CADPS: variants seen among roughly 807,000 people sequenced by gnomAD.
The protein encoded by CADPS is calcium dependent secretion activator, also known as calcium-dependent secretion activator 1.
CADPS carries 57 observed loss-of-function variants against 167.3 expected under a neutral mutation model. The observed-to-expected ratio is 0.34, with a 90% CI of 0.28 to 0.42. The LOEUF is 0.42. CADPS is among the 20% of genes least tolerant of loss of function. The pLI is 1.00. For synonymous variants in CADPS, 676 were observed against 635.3 expected (o/e 1.06, Z -0.96); for missense variants, 1,414 against 1,738.1 (o/e 0.81, Z 3.32).
chr3:62,638,826 A>T (rs139652431), intron 6 of CADPS, among the ~76,000 whole-genome samples: 1 of 152,264 alleles, frequency 6.6e-6, no homozygotes, highest in African/African-American at 2.4e-5. Flanking sequence ...GGATGAAATA[A>T]TTATAGAATT....
At chr3:62,794,759 C>T (rs928892172) in intron 1 of CADPS, among the ~76,000 whole-genome samples, 1 of 95,380 alleles carries the variant, frequency 1.0e-5, no homozygotes, top group African/African-American at 4.4e-5. Flanking sequence ...TTCATGTTTA[C>T]AAGACAGACG....
chr3:62,561,558 C>G (rs1403873680), intron 9 of CADPS, among the ~76,000 whole-genome samples: 1 of 152,064 alleles, frequency 6.6e-6, no homozygotes, highest in Non-Finnish European at 1.5e-5. Flanking sequence ...GCATGAGCCA[C>G]CACACCTGGC....
intron 1 of CADPS, among the ~76,000 whole-genome samples, chr3:62,782,092 T>A (rs2091738805): frequency 6.6e-6 from 1 of 152,188 alleles, no homozygotes; most frequent in Non-Finnish European, 1.5e-5. Flanking sequence ...GACAGACGCA[T>A]CATTCTGGAA....
chr3:62,517,539 G>A (rs896239482), intron 14 of CADPS, among the ~76,000 whole-genome samples: 1 of 152,110 alleles, frequency 6.6e-6, no homozygotes, highest in African/African-American at 2.4e-5. Context: ...AATTACAAAT[G>A]CTATTATTAT....
At chr3:62,762,023 C>T (rs2085584309) in intron 2 of CADPS, among the ~76,000 whole-genome samples, 1 of 152,218 alleles carries the variant, frequency 6.6e-6, no homozygotes, top group Non-Finnish European at 1.5e-5. Flanking sequence ...CCCATCCCCA[C>T]TCATGGCCCA....
intron 3 of CADPS, among the ~76,000 whole-genome samples, chr3:62,672,322 T>A (rs917609002): frequency 2.6e-5 from 4 of 152,106 alleles, no homozygotes; most frequent in African/African-American, 9.7e-5. Context: ...CGCCATGAAG[T>A]ACGAATTTAA....
At chr3:62,842,808 A>G (rs1034921651) in intron 1 of CADPS, among the ~76,000 whole-genome samples, 16 of 152,194 alleles carry the variant, frequency 1.1e-4, no homozygotes, top group Admixed American at 1.0e-3. Flanking sequence ...GACATGCTGA[A>G]TGATGCTTCA....
At chr3:62,519,942 T>C (rs1342966531) in intron 13 of CADPS, among the ~76,000 whole-genome samples, 2 of 152,224 alleles carry the variant, frequency 1.3e-5, no homozygotes, top group Non-Finnish European at 2.9e-5. Context: ...TTTTTAAATT[T>C]CTTTAAACAA....
chr3:62,531,675 G>T (rs1171371702), intron 13 of CADPS, among the ~76,000 whole-genome samples: 1 of 152,134 alleles, frequency 6.6e-6, no homozygotes, highest in Non-Finnish European at 1.5e-5. Context: ...CTGAGGCTGG[G>T]TTTCTGAAGC....
intron 4 of CADPS, among the ~76,000 whole-genome samples, chr3:62,654,751 C>T (rs1248678678): frequency 6.6e-6 from 1 of 152,110 alleles, no homozygotes; most frequent in African/African-American, 2.4e-5. Context: ...CCTCAGTGAA[C>T]TACATGGTAT....
intron 28 of CADPS, among the ~76,000 whole-genome samples, chr3:62,417,211 G>A (rs1474549932): frequency 6.7e-6 from 1 of 149,892 alleles, no homozygotes; most frequent in African/African-American, 2.4e-5. Context: ...TTCTGTAGTA[G>A]AGAAGTCCGT....
intron 28 of CADPS, among the ~76,000 whole-genome samples, chr3:62,413,315 GCCCA>G: frequency 6.6e-6 from 1 of 152,134 alleles, no homozygotes; most frequent in East Asian, 1.9e-4. Context: ...GAAGAGATAC[GCCCA>G]CATTGATGTT....
intron 3 of CADPS, among the ~76,000 whole-genome samples, chr3:62,711,082 G>C (rs1203358565): frequency 6.6e-6 from 1 of 152,086 alleles, no homozygotes; most frequent in East Asian, 1.9e-4. Context: ...GAATTCCTCA[G>C]TACAGTCCTA....
intron 2 of CADPS, among the ~76,000 whole-genome samples, chr3:62,760,664 A>G (rs1031079855): frequency 6.6e-6 from 1 of 152,130 alleles, no homozygotes; most frequent in African/African-American, 2.4e-5. Flanking sequence ...TTCTTCCCCT[A>G]TGGATGTACC....
intron 7 of CADPS, among the ~76,000 whole-genome samples, chr3:62,586,915 C>T (rs1236425088): frequency 2.0e-5 from 3 of 152,306 alleles, no homozygotes; most frequent in African/African-American, 7.2e-5. Context: ...ATTGTGGTGG[C>T]TGTGGTGTTA....
chr3:62,543,902 G>C (rs1577483072), intron 11 of CADPS, among the ~76,000 whole-genome samples: 1 of 152,052 alleles, frequency 6.6e-6, no homozygotes, highest in East Asian at 1.9e-4. Context: ...ATAGTTAAGA[G>C]AAATATTTTT....
chr3:62,512,725 T>A (rs1271587337), intron 17 of CADPS, 26 bp downstream of exon 17: 1 of 1,580,164 alleles, frequency 6.3e-7, no homozygotes, highest in Non-Finnish European at 8.7e-7. Flanking sequence ...TCCTGATAAT[T>A]TATAATGCAT....
intron 6 of CADPS, among the ~76,000 whole-genome samples, chr3:62,624,388 A>C (rs2063666111): frequency 6.6e-6 from 1 of 152,110 alleles, no homozygotes; most frequent in Non-Finnish European, 1.5e-5. Context: ...GTTGCATCAG[A>C]CCATCCATAT....
intron 6 of CADPS, among the ~76,000 whole-genome samples, chr3:62,608,815 T>A (rs2061069371): frequency 6.6e-6 from 1 of 152,144 alleles, no homozygotes; most frequent in African/African-American, 2.4e-5. Context: ...TCTGAAATAA[T>A]AAATTTGAAG....
Sources: gnomAD v4.1 joint callset for allele counts (sites outside exome capture counted in the v4.1 genomes callset) on GRCh38, gnomAD v4.1.1 for gene constraint, MANE v1.5 for transcripts, NCBI Gene and HGNC (gene_info 2026-07-23, HGNC 2026-07-21) for gene names.